Variants in CREB3L2 observed in about 807,000 individuals in gnomAD.
CREB3L2 encodes cAMP responsive element binding protein 3 like 2.
CREB3L2 carries 23 observed loss-of-function variants against 57.2 expected under a neutral mutation model. The observed-to-expected ratio is 0.40, with a 90% CI of 0.29 to 0.57. The LOEUF (loss-of-function observed/expected upper bound fraction) is 0.57. Ranked by LOEUF, CREB3L2 falls within the 20% of genes least tolerant of loss-of-function variation. The pLI is 0.42. For missense variants in CREB3L2, 628 were observed against 634.7 expected, an observed-to-expected ratio of 0.99 and a Z score of 0.11; for synonymous variants, 268 against 265.1, an observed-to-expected ratio of 1.01 and a Z score of -0.11.
At chr7:137,987,214 C>CA (rs1801807389) in intron 1 of CREB3L2, among the ~76,000 whole-genome samples, 1 of 152,114 alleles carries the variant, frequency 6.6e-6, no homozygotes, top group Non-Finnish European at 1.5e-5. Context: ...TCTTTGGTTA[C>CA]AAAAAATATA....
intron 1 of CREB3L2, among the ~76,000 whole-genome samples, chr7:137,978,498 C>T (rs990480065): frequency 6.6e-6 from 1 of 152,178 alleles, no homozygotes; most frequent in African/African-American, 2.4e-5. Flanking sequence ...CTGTGCCTGA[C>T]TCCTGAGCTC....
At chr7:137,970,301 G>A (rs967244417) in intron 1 of CREB3L2, among the ~76,000 whole-genome samples, 2 of 152,170 alleles carry the variant, frequency 1.3e-5, no homozygotes, top group African/African-American at 4.8e-5. Context: ...GAATTCCAAA[G>A]AATAAGCTGA....
At chr7:137,889,006 A>G (rs184211371) in intron 8 of CREB3L2, among the ~76,000 whole-genome samples, 1 of 149,560 alleles carries the variant, frequency 6.7e-6, no homozygotes, top group East Asian at 1.9e-4. Flanking sequence ...ATTTTTTACC[A>G]ACAATCCCTA....
rs578188637 is a variant in CREB3L2, at chr7:137,955,443, C to T, written c.103-27077G>A. 7.9e-6 allele frequency: 4 copies of T among 508,926 alleles called. No homozygotes were observed. In the Admixed American group the frequency reaches 1.0e-4, roughly 13 times the overall value. The allele number at this position is 508,926 out of a possible 1,614,324, so 31.5% of individuals were successfully genotyped here. A position where few individuals can be genotyped will look rare whatever the true frequency, so the allele number is the denominator to read the frequency against. Reference sequence around the variant, plus strand: ...TTAATCCCCACACGCCAAACTTACACGTCCGGTTCAGAAATACTCATGGAG... The same window carrying T: ...TTAATCCCCACACGCCAAACTTACATGTCCGGTTCAGAAATACTCATGGAG... On this transcript the variant is annotated intron_variant, in intron 1 of 11. Coordinates refer to ENST00000330387, the MANE Select transcript of CREB3L2 (RefSeq NM_194071.4).
intron 1 of CREB3L2, among the ~76,000 whole-genome samples, chr7:137,931,628 T>A (rs907849424): frequency 6.6e-6 from 1 of 151,794 alleles, no homozygotes; most frequent in African/African-American, 2.4e-5. Flanking sequence ...GGTCAGGAGT[T>A]CGAGGCTGGC....
intron 2 of CREB3L2, among the ~76,000 whole-genome samples, chr7:137,927,073 C>T (rs1209319363): frequency 6.6e-6 from 1 of 152,010 alleles, no homozygotes; most frequent in Non-Finnish European, 1.5e-5. Flanking sequence ...TGAATGACTA[C>T]ATGAGAGCCC....
intron 1 of CREB3L2, among the ~76,000 whole-genome samples, chr7:137,971,410 A>G (rs1350902101): frequency 6.6e-6 from 1 of 150,894 alleles, no homozygotes; most frequent in Non-Finnish European, 1.5e-5. Context: ...AGATCGCGCC[A>G]TTGCACTCCA....
chr7:137,943,059 C>T (rs896592486), intron 1 of CREB3L2, among the ~76,000 whole-genome samples: 51 of 152,104 alleles, frequency 3.4e-4, no homozygotes, highest in African/African-American at 1.2e-3. Flanking sequence ...GGAACCAAAA[C>T]GCTTGGGTTT....
At chr7:137,910,447 G>A (rs2117211879) in intron 4 of CREB3L2, among the ~76,000 whole-genome samples, 1 of 152,086 alleles carries the variant, frequency 6.6e-6, no homozygotes, top group East Asian at 1.9e-4. Flanking sequence ...TGCCACAGGT[G>A]CAGGCAGCCC....
intron 1 of CREB3L2, among the ~76,000 whole-genome samples, chr7:137,984,124 C>T (rs1231198195): frequency 6.6e-6 from 1 of 152,214 alleles, no homozygotes. Flanking sequence ...TCTCAGCCAT[C>T]TCACAGGTCC....
At position 137,899,543 on chromosome 7, in the gene CREB3L2, G is replaced by T. The variant is rs117960839; in HGVS notation, c.1043+1811C>A. Among the ~76,000 whole-genome samples, 1,211 of 68,486 alleles carry T rather than the reference G, an allele frequency of 0.018. 37 individuals carry two copies. The East Asian group carries it at 0.2, about 11-fold the overall frequency. The allele number at this position is 68,486 out of a possible 152,430, so 44.9% of individuals were successfully genotyped here. On this transcript the variant is annotated intron_variant, in intron 8 of 11. Coordinates refer to ENST00000330387, the MANE Select transcript of CREB3L2 (RefSeq NM_194071.4). ...GAGCAGGATCCAGAGAAACAGAGCC[G>T]CCTCAGGCAATCCCCCCAGGGAGAG...
At chr7:137,942,718 T>C (rs563083316) in intron 1 of CREB3L2, among the ~76,000 whole-genome samples, 39 of 152,304 alleles carry the variant, frequency 2.6e-4, no homozygotes, top group African/African-American at 9.1e-4. Flanking sequence ...GCAATCACCA[T>C]ATGTTAAAAG....
chr7:137,913,124 C>T, intron 3 of CREB3L2, 46 bp from the exon 4 acceptor site: 1 of 1,584,236 alleles, frequency 6.3e-7, no homozygotes, highest in Non-Finnish European at 8.6e-7. Context: ...CAATCACAGC[C>T]TTGAAGACAC....
rs745786624 is a variant in CREB3L2, at chr7:137,882,571, C to G, written c.1328G>C (p.Ser443Thr). 5.6e-6 allele frequency: 9 copies of G among 1,613,278 alleles called. No homozygotes were observed. Among genetic ancestry groups the G allele is most frequent in the Non-Finnish European group, 7.6e-6 (9 of 1,179,468 alleles). The change falls in exon 11 of 12, where the codon AGC (serine) becomes ACC (threonine). Residue 443 changes from serine (S) to threonine (T), a missense_variant. Around this residue, in one of 3 missense-constraint regions of CREB3L2, gnomAD observed 272 missense variants for 242.7 expected, o/e 1.12. Transcript: ENST00000330387. ...CCCCAGCTCCCCAGCCGAGCCCGGG[C>G]TGGATGACTCCTCTGGGGGAGAATG... ...EEHSPPEESS[S>T]PGSAGELGGW... is the part of the protein sequence containing the mutation.
chr7:137,923,495 T>A (rs1235020225), intron 2 of CREB3L2, among the ~76,000 whole-genome samples: 1 of 152,200 alleles, frequency 6.6e-6, no homozygotes, highest in Non-Finnish European at 1.5e-5. Context: ...TAGATACACA[T>A]ACTTTTCTCT....
chr7:137,912,978 A>C lies in CREB3L2; in HGVS notation c.583+13T>G. 1.2e-6 allele frequency: 2 copies of C among 1,613,512 alleles called. No individual in the cohort carries two copies. Among genetic ancestry groups the C allele is most frequent in the Non-Finnish European group, 1.7e-6 (2 of 1,179,596 alleles). On this transcript the variant is annotated intron_variant, in intron 4 of 11. Coordinates refer to ENST00000330387, the MANE Select transcript of CREB3L2 (RefSeq NM_194071.4). ...ATCCATAACCCAAAGGGACACAGGG[A>C]GGGCAGACAGACCTTCTTTAGGAGA...
Position 137,912,975 on chromosome 7 carries a change from G to C in CREB3L2, c.583+16C>G. 1 of 1,613,330 alleles carries C rather than the reference G, an allele frequency of 6.2e-7. No homozygotes were observed. Among genetic ancestry groups the C allele is most frequent in the Admixed American group, 1.7e-5 (1 of 59,964 alleles). On this transcript the variant is annotated intron_variant, in intron 4 of 11. Transcript: ENST00000330387. ...CATATCCATAACCCAAAGGGACACAGGGAGGGCAGACAGACCTTCTTTAGG... is the reference window on the plus strand; with the variant it reads ...CATATCCATAACCCAAAGGGACACACGGAGGGCAGACAGACCTTCTTTAGG...
chr7:137,909,288 G>A (rs75927421), intron 4 of CREB3L2, among the ~76,000 whole-genome samples: 3,479 of 152,242 alleles, frequency 0.023, 153 homozygotes, highest in African/African-American at 0.078. Context: ...AAAGTCTCCC[G>A]CGTCTTTCCT....
At chr7:137,919,917 T>C (rs1800233421) in intron 2 of CREB3L2, among the ~76,000 whole-genome samples, 3 of 152,222 alleles carry the variant, frequency 2.0e-5, no homozygotes, top group African/African-American at 7.2e-5. Context: ...GACTTTTTCT[T>C]TAAATTTTAT....
Sources: allele counts gnomAD v4.1 joint callset (sites outside exome capture counted in the v4.1 genomes callset), GRCh38; gene constraint gnomAD v4.1.1; regional missense constraint gnomAD v4.1.1; transcripts MANE v1.5; gene names NCBI Gene and HGNC (gene_info 2026-07-23, HGNC 2026-07-21).